The following EML1 variants were observed in gnomAD, a reference collection of about 807,000 sequenced individuals.
EML1 encodes the protein EMAP like 1.
A neutral mutation model predicts 110.4 loss-of-function variants in EML1; 27 were observed. The observed-to-expected ratio is 0.24, with a 90% CI of 0.18 to 0.34. The LOEUF is 0.34. Among genes scored for constraint, EML1 ranks in the 10% least tolerant of loss-of-function variants. The pLI is 1.00. For missense variants in EML1, 741 were observed against 1,030.9 expected, an observed-to-expected ratio of 0.72 and a Z score of 3.85; for synonymous variants, 344 against 385.8, an observed-to-expected ratio of 0.89 and a Z score of 1.27.
chr14:99,812,330 TG>T (rs765300995), intron 1 of EML1, among the ~76,000 whole-genome samples: 14 of 151,840 alleles, frequency 9.2e-5, no homozygotes, highest in Non-Finnish European at 1.9e-4. Flanking sequence ...GCTGTCTCTC[TG>T]TGATAACGAA....
intron 1 of EML1, among the ~76,000 whole-genome samples, chr14:99,779,585 G>A (rs1409362754): frequency 1.3e-5 from 2 of 152,270 alleles, no homozygotes; most frequent in South Asian, 2.1e-4. Flanking sequence ...GTCAACAGGC[G>A]AACTTCACTT....
chr14:99,793,523 C>T lies in EML1; in HGVS notation c.47C>T (p.Ser16Leu). Residue 16 changes from serine (S) to leucine (L), a missense_variant, in exon 1 of 22, where the codon TCG becomes TTG. This residue lies in a region of EML1 where 226 missense variants were observed against 255.6 expected (regional missense o/e 0.88). Coordinates refer to ENST00000262233, the MANE Select transcript of EML1 (RefSeq NM_004434.3). Reference protein sequence around the residue: ...SSYSSLYDTSSLLQFCNDDSA... With the variant: ...SSYSSLYDTSLLLQFCNDDSA... ...TACAGCAGCCTGTACGACACGTCCT[C>T]GCTGCTCCAGTTCTGCAACGGTGAG... The T allele has an allele frequency of 2.9e-6, 3 of 1,042,046 alleles. No homozygotes were observed. The highest frequency in any genetic ancestry group is 8.2e-5 in the East Asian group (1 of 12,238). 64.5% of individuals were successfully genotyped at this position (1,042,046 alleles called of 1,614,324 possible).
At position 99,747,055 on chromosome 14, in the gene EML1, C is replaced by A. The variant is rs1309156090; in HGVS notation, c.28+9195C>A. Among the ~76,000 whole-genome samples the A allele has an allele frequency of 3.3e-5, 5 of 151,956 alleles. No individual in the cohort carries two copies. The East Asian group carries it at 9.7e-4, about 29-fold the overall frequency. On this transcript the variant is annotated intron_variant, in intron 1 of 10. Transcript: ENST00000554479. Reference sequence around the variant, plus strand: ...AAGGAGGTAGAAAAACAACCACCACCCGGGCACCTGTAGTCCCAGCTACTC... The same window carrying A: ...AAGGAGGTAGAAAAACAACCACCACACGGGCACCTGTAGTCCCAGCTACTC...
intron 3 of EML1, among the ~76,000 whole-genome samples, chr14:99,875,846 C>G (rs2059281971): frequency 6.6e-6 from 1 of 152,200 alleles, no homozygotes; most frequent in Admixed American, 6.5e-5. Flanking sequence ...CTCTTAAAAT[C>G]TGTAATTTCC....
At chr14:99,802,798 A>C (rs1319612759) in intron 1 of EML1, among the ~76,000 whole-genome samples, 1 of 152,088 alleles carries the variant, frequency 6.6e-6, no homozygotes, top group African/African-American at 2.4e-5. Context: ...ATCAGCATCC[A>C]GATAGTAATG....
intron 17 of EML1, among the ~76,000 whole-genome samples, chr14:99,921,892 T>C (rs2140087353): frequency 6.6e-6 from 1 of 152,306 alleles, no homozygotes; most frequent in Non-Finnish European, 1.5e-5. Flanking sequence ...CCATGCCCAT[T>C]AGCAGTTCAC....
rs779074603 is a variant in EML1, at chr14:99,898,230, T to C, written c.828-3T>C. ...AGATGTTTTGTAAATATCCTTTTCTTAGCCTAGCAGTTCATCCTGATCGGA... is the reference window on the plus strand; with the variant it reads ...AGATGTTTTGTAAATATCCTTTTCTCAGCCTAGCAGTTCATCCTGATCGGA... On this transcript the variant is annotated splice_region_variant and splice_polypyrimidine_tract_variant and intron_variant, in intron 7 of 21. Coordinates refer to ENST00000262233, the MANE Select transcript of EML1 (RefSeq NM_004434.3). 6.3e-7 allele frequency: 1 copy of C among 1,587,924 alleles called. No homozygotes were observed. The highest frequency in any genetic ancestry group is 1.1e-5 in the South Asian group (1 of 87,078).
chr14:99,790,000 A>G (rs2057645764), upstream of EML1, among the ~76,000 whole-genome samples: 1 of 152,094 alleles, frequency 6.6e-6, no homozygotes. Flanking sequence ...GATTATACCT[A>G]AGTGACTTAA....
intron 12 of EML1, 28 bp from the exon 13 acceptor site, chr14:99,911,394 C>CTAA: frequency 1.0e-5 from 16 of 1,561,548 alleles, no homozygotes; most frequent in Non-Finnish European, 1.0e-5. Context: ...TGACAATGTG[C>CTAA]TAATGATGGT....
At position 99,939,780 on chromosome 14, in the gene EML1, G is replaced by A. The variant is rs971269705; in HGVS notation, c.2323-207G>A. 2.6e-5 allele frequency among the ~76,000 whole-genome samples: 4 copies of A among 152,052 alleles called. No homozygotes were observed. The highest frequency in any genetic ancestry group is 9.7e-5 in the African/African-American group (4 of 41,376). Reference sequence around the variant, plus strand: ...CTCGGCTGAGGGCGGTCATTTGCTCGTGTCTGTCCCCTACCAGGCCACGAG... The same window carrying A: ...CTCGGCTGAGGGCGGTCATTTGCTCATGTCTGTCCCCTACCAGGCCACGAG... On this transcript the variant is annotated intron_variant, in intron 21 of 21. Transcript: ENST00000262233. This position sits in a 1 kb window ranked among gnomAD's most constrained non-coding sequence, Gnocchi z 4.2.
chr14:99,890,270 A>G (rs143743861), intron 4 of EML1, among the ~76,000 whole-genome samples: 2 of 152,316 alleles, frequency 1.3e-5, no homozygotes, highest in Admixed American at 1.3e-4. Context: ...ATCTTAAAGC[A>G]GGCAGAAGTC....
intron 3 of EML1, among the ~76,000 whole-genome samples, chr14:99,874,175 G>T (rs978025029): frequency 6.6e-6 from 1 of 152,098 alleles, no homozygotes; most frequent in Non-Finnish European, 1.5e-5. Context: ...TTTTCTTATG[G>T]TCACCAGTCT....
In EML1 at chr14:99,816,205, C is replaced by T. The variant is rs137983031; in HGVS notation, c.67+22662C>T. Among the ~76,000 whole-genome samples the T allele has an allele frequency of 8.9e-3, 1,360 of 152,270 alleles. 19 individuals carry two copies. The highest frequency in any genetic ancestry group is 0.031 in the African/African-American group (1,274 of 41,528). On this transcript the variant is annotated intron_variant, in intron 1 of 21. Transcript: ENST00000262233. ...TTTAGACGGAGTCTCACTCTGTCGC[C>T]CAGGCTGCAGTGCAGTGACATGATC...
rs567244913 is a variant in EML1, at chr14:99,784,159, C to T, written c.-27+10146C>T. Among the ~76,000 whole-genome samples the T allele has an allele frequency of 7.2e-5, 11 of 152,230 alleles. No homozygotes were observed. Among genetic ancestry groups the T allele is most frequent in the African/African-American group, 2.4e-4 (10 of 41,544 alleles). ...AGGCTGGAGTGCAGTGGCACGATCA[C>T]GGCTCACTGTAGCCTTGACCACCCA... On this transcript the variant is annotated intron_variant, in intron 1 of 22. Coordinates refer to the EML1 transcript ENST00000327921. The surrounding 1 kb of genome is among the most constrained non-coding windows in gnomAD (Gnocchi z 4.5).
At chr14:99,739,899 C>T (rs2057022992) in intron 1 of EML1, among the ~76,000 whole-genome samples, 1 of 152,140 alleles carries the variant, frequency 6.6e-6, no homozygotes, top group African/African-American at 2.4e-5. Flanking sequence ...ACATTCTCAG[C>T]TCTCCACTCG....
chr14:99,865,664 C>A lies in EML1; in HGVS notation c.383+18C>A, dbSNP rs1421883344. The A allele has an allele frequency of 6.2e-7, 1 of 1,612,328 alleles. No individual in the cohort carries two copies. The highest frequency in any genetic ancestry group is 1.1e-5 in the South Asian group (1 of 90,856). On this transcript the variant is annotated intron_variant, in intron 3 of 21. Transcript: ENST00000262233. ...ACCAAAAGGTGAGCCAGAAGCAGGGCCTTAAATGAACTCTCAAAGCAGTTC... is the reference window on the plus strand; with the variant it reads ...ACCAAAAGGTGAGCCAGAAGCAGGGACTTAAATGAACTCTCAAAGCAGTTC...
At chr14:99,931,062 A>G (rs566729853) in intron 17 of EML1, among the ~76,000 whole-genome samples, 14 of 152,272 alleles carry the variant, frequency 9.2e-5, no homozygotes, top group Admixed American at 9.2e-4. Flanking sequence ...CCCTGTGCTG[A>G]TGCAACCCCT....
chr14:99,785,107 T>G (rs918585970), intron 1 of EML1, among the ~76,000 whole-genome samples: 1 of 151,920 alleles, frequency 6.6e-6, no homozygotes. Flanking sequence ...CCGTCTGGAG[T>G]GCAATGGCAT....
chr14:99,911,345 AAGTC>A (rs773590156), intron 12 of EML1, 73 bp from the exon 13 acceptor site: 1 of 1,492,636 alleles, frequency 6.7e-7, no homozygotes, highest in Non-Finnish European at 8.9e-7. Context: ...TTTAAAACCT[AAGTC>A]AGATGAGATT....
Sources: gnomAD v4.1 joint callset for allele counts (sites outside exome capture counted in the v4.1 genomes callset) on GRCh38, gnomAD v4.1.1 for gene constraint, gnomAD v4.1.1 regional missense constraint, Gnocchi (gnomAD v3.1) non-coding constraint, MANE v1.5 for transcripts, NCBI Gene and HGNC (gene_info 2026-07-23, HGNC 2026-07-21) for gene names.